The following LRRC28 variants were observed in gnomAD, a reference collection of about 807,000 sequenced individuals.
The protein encoded by LRRC28 is leucine rich repeat containing 28.
Under a neutral mutation model 45.7 loss-of-function variants are expected in LRRC28, and 39 were observed. That is an observed-to-expected ratio of 0.85 (90% CI 0.66 to 1.12). LRRC28 has a LOEUF of 1.12. Among genes scored for constraint, LRRC28 ranks in the 50% most tolerant of loss-of-function variants. The probability of loss-of-function intolerance (pLI) is 0.00; values close to 1 mark genes in which losing one functional copy is unlikely to be tolerated. For missense variants in LRRC28, 435 were observed against 438.5 expected, an observed-to-expected ratio of 0.99 and a Z score of 0.07; for synonymous variants, 206 against 178.8, an observed-to-expected ratio of 1.15 and a Z score of -1.22.
At position 99,293,593 on chromosome 15, in the gene LRRC28, C is replaced by CCAAAAA. The variant is rs747700282; in HGVS notation, c.385+5642_385+5643insCAAAAA. On this transcript the variant is annotated intron_variant, in intron 5 of 9. Coordinates refer to ENST00000301981, the MANE Select transcript of LRRC28 (RefSeq NM_144598.5). ...GGGCAACAAGAACGAAACTCTGTCACAAAAAAAAAAAAAAAAAAAAAAAAA... is the reference window on the plus strand; with the variant it reads ...GGGCAACAAGAACGAAACTCTGTCACCAAAAAAAAAAAAAAAAAAAAAAAAAAAAAA... Among the ~76,000 whole-genome samples, 77 of 44,082 alleles carry CCAAAAA rather than the reference C, an allele frequency of 1.7e-3. 5 individuals carry two copies. Among genetic ancestry groups the CCAAAAA allele is most frequent in the African/African-American group, 3.8e-3 (49 of 12,884 alleles). 28.9% of individuals were successfully genotyped at this position (44,082 alleles called of 152,430 possible).
At chr15:99,373,655 C>T (rs1018903155) in intron 9 of LRRC28, among the ~76,000 whole-genome samples, 1 of 152,030 alleles carries the variant, frequency 6.6e-6, no homozygotes, top group Non-Finnish European at 1.5e-5. Context: ...TAACCGTTAC[C>T]CAGCCAACTT....
At chr15:99,282,797 A>G (rs2081842772) in intron 3 of LRRC28, among the ~76,000 whole-genome samples, 1 of 152,226 alleles carries the variant, frequency 6.6e-6, no homozygotes, top group Admixed American at 6.5e-5. Context: ...ACTGTATTTC[A>G]TCTGGTTTTC....
chr15:99,321,413 G>GT (rs1955792027), intron 5 of LRRC28, among the ~76,000 whole-genome samples: 1 of 151,988 alleles, frequency 6.6e-6, no homozygotes, highest in South Asian at 2.1e-4. Context: ...TTGAAAATGC[G>GT]TAAGAGACTG....
intron 5 of LRRC28, among the ~76,000 whole-genome samples, chr15:99,300,398 A>G (rs2082366571): frequency 6.6e-6 from 1 of 152,104 alleles, no homozygotes; most frequent in South Asian, 2.1e-4. Flanking sequence ...AGTCTCATAT[A>G]TAAAATTAAA....
intron 9 of LRRC28, among the ~76,000 whole-genome samples, chr15:99,370,052 T>C (rs1469454547): frequency 6.6e-6 from 1 of 152,194 alleles, no homozygotes; most frequent in Admixed American, 6.5e-5. Flanking sequence ...AGTTGAATCA[T>C]ACAAGTCATA....
chr15:99,275,219 A>G (rs2081586177), intron 2 of LRRC28, among the ~76,000 whole-genome samples: 1 of 152,234 alleles, frequency 6.6e-6, no homozygotes, highest in Non-Finnish European at 1.5e-5. Context: ...CCTCCAGCAG[A>G]GAGAAGCCTG....
At chr15:99,347,734 A>G (rs187619608) in intron 6 of LRRC28, among the ~76,000 whole-genome samples, 152 of 152,314 alleles carry the variant, frequency 1.0e-3, no homozygotes, top group African/African-American at 3.5e-3. Flanking sequence ...GCTGCAGTGA[A>G]TATGGGAGTG....
At chr15:99,259,794 G>T in intron 2 of LRRC28, 2 of 1,047,022 alleles carry the variant, frequency 1.9e-6, no homozygotes, top group Non-Finnish European at 3.0e-6. Context: ...CAGTGATTCG[G>T]TCAGGATGTC....
chr15:99,300,332 A>G (rs912988560), intron 5 of LRRC28, among the ~76,000 whole-genome samples: 15 of 149,136 alleles, frequency 1.0e-4, no homozygotes, highest in Non-Finnish European at 1.9e-4. Context: ...TAGAATTTTT[A>G]TCTATTTTTA....
At chr15:99,294,002 CT>C (rs1380246053) in intron 5 of LRRC28, among the ~76,000 whole-genome samples, 1 of 152,144 alleles carries the variant, frequency 6.6e-6, no homozygotes, top group Non-Finnish European at 1.5e-5. Flanking sequence ...TAAGGAAGAT[CT>C]TCCATTATTT....
At chr15:99,284,861 ACTGCCACCATATCTACCATCACCATGG>A (rs1749720722) in intron 3 of LRRC28, 6 of 566,618 alleles carry the variant, frequency 1.1e-5, no homozygotes, top group South Asian at 8.3e-5. Context: ...AGCCATCCCC[ACTGCCACCATATCTACCATCACCATGG>A]CTGCCACCAA....
chr15:99,276,735 G>T, intron 3 of LRRC28, 119 bp downstream of exon 3: 1 of 721,998 alleles, frequency 1.4e-6, no homozygotes, highest in South Asian at 3.0e-5. Flanking sequence ...TCATGATCAT[G>T]GTACTCATGT....
intron 9 of LRRC28, among the ~76,000 whole-genome samples, chr15:99,374,821 C>A (rs1055669507): frequency 6.6e-6 from 1 of 151,914 alleles, no homozygotes; most frequent in Non-Finnish European, 1.5e-5. Flanking sequence ...GCGCCCACCA[C>A]CACGCCTGGC....
intron 7 of LRRC28, among the ~76,000 whole-genome samples, chr15:99,360,812 G>C (rs1048054900): frequency 1.3e-5 from 2 of 152,190 alleles, no homozygotes; most frequent in African/African-American, 2.4e-5. Flanking sequence ...GCATGACTTG[G>C]CTTATTGAGT....
At chr15:99,356,448 G>C (rs1957049823) in intron 7 of LRRC28, among the ~76,000 whole-genome samples, 1 of 152,162 alleles carries the variant, frequency 6.6e-6, no homozygotes, top group Middle Eastern at 3.2e-3. Context: ...TGGAACAGAG[G>C]AAATGTCACT....
intron 5 of LRRC28, among the ~76,000 whole-genome samples, chr15:99,316,704 T>G (rs932786782): frequency 9.1e-5 from 8 of 87,696 alleles, no homozygotes; most frequent in African/African-American, 3.8e-4. Flanking sequence ...AGGATTTAAA[T>G]AGAAAACTCT....
chr15:99,333,159 CT>C (rs1956211732), intron 5 of LRRC28, among the ~76,000 whole-genome samples: 1 of 152,188 alleles, frequency 6.6e-6, no homozygotes, highest in Non-Finnish European at 1.5e-5. Flanking sequence ...TTGTAAGGAA[CT>C]TCCTAATCTT....
intron 5 of LRRC28, among the ~76,000 whole-genome samples, chr15:99,289,247 AAGAT>A (rs1041439175): frequency 3.0e-4 from 45 of 152,328 alleles, no homozygotes; most frequent in Admixed American, 2.1e-3. Context: ...ATATTAAAAA[AAGAT>A]AGATAATTAA....
intron 3 of LRRC28, among the ~76,000 whole-genome samples, chr15:99,282,033 C>CAA: frequency 6.6e-6 from 1 of 152,092 alleles, no homozygotes; most frequent in East Asian, 1.9e-4. Context: ...CTCAAGTGAT[C>CAA]CTCCTGCTTC....
Sources: gnomAD v4.1 joint callset for allele counts (sites outside exome capture counted in the v4.1 genomes callset) on GRCh38, gnomAD v4.1.1 for gene constraint, MANE v1.5 for transcripts, NCBI Gene and HGNC (gene_info 2026-07-23, HGNC 2026-07-21) for gene names.